Variants in CEP112 observed in about 807,000 individuals in gnomAD.
CEP112 encodes the protein centrosomal protein of 112 kDa.
In CEP112, 127 loss-of-function variants were observed where a neutral mutation model predicts 153.0. The ratio of observed to expected loss-of-function variants is 0.83; its 90% CI spans 0.72 to 0.96. The LOEUF is 0.96. Ranked by LOEUF, CEP112 falls within the 40% of genes least tolerant of loss-of-function variation. The pLI, the probability that CEP112 is intolerant of heterozygous loss-of-function variation, is 0.00. For missense variants in CEP112, 1,089 were observed against 1,101.2 expected (o/e 0.99, Z 0.16); for synonymous variants, 358 against 374.4 (o/e 0.96, Z 0.51).
chr17:65,915,787 C>CG (rs1555710889), intron 19 of CEP112, among the ~76,000 whole-genome samples: 11 of 56,588 alleles, frequency 1.9e-4, no homozygotes, highest in Non-Finnish European at 2.4e-4. Flanking sequence ...GACTCAAACT[C>CG]AAAAAAAAAA....
At chr17:65,819,052 A>G (rs930930818) in intron 21 of CEP112, among the ~76,000 whole-genome samples, 2 of 152,072 alleles carry the variant, frequency 1.3e-5, no homozygotes, top group Non-Finnish European at 2.9e-5. Context: ...ATTTCAATCC[A>G]CTAATTTTTG....
At chr17:66,153,554 T>C (rs189735923) in intron 4 of CEP112, among the ~76,000 whole-genome samples, 1 of 151,936 alleles carries the variant, frequency 6.6e-6, no homozygotes, top group East Asian at 1.9e-4. Context: ...TCTTAATTTA[T>C]CTATAGATTC....
At chr17:65,868,835 G>T (rs963223311) in intron 20 of CEP112, among the ~76,000 whole-genome samples, 1 of 152,100 alleles carries the variant, frequency 6.6e-6, no homozygotes, top group Non-Finnish European at 1.5e-5. Context: ...ACATTTTTTG[G>T]AAATGATTGA....
At chr17:66,183,717 A>C (rs1190586478) in intron 1 of CEP112, among the ~76,000 whole-genome samples, 1 of 152,176 alleles carries the variant, frequency 6.6e-6, no homozygotes, top group Non-Finnish European at 1.5e-5. Context: ...GTGATCCATG[A>C]AGAAATGACA....
intron 23 of CEP112, among the ~76,000 whole-genome samples, chr17:65,718,276 T>C (rs2049659989): frequency 6.6e-6 from 1 of 151,840 alleles, no homozygotes; most frequent in South Asian, 2.1e-4. Flanking sequence ...GGTGTGGTGG[T>C]GGGCGCCTGT....
chr17:65,656,382 T>C (rs1483671082), intron 24 of CEP112, among the ~76,000 whole-genome samples: 2 of 152,200 alleles, frequency 1.3e-5, no homozygotes, highest in African/African-American at 4.8e-5. Flanking sequence ...GATTTTTCAG[T>C]TTGGGTTAGA....
chr17:66,025,797 T>C (rs1222397767), intron 16 of CEP112, among the ~76,000 whole-genome samples: 1 of 152,064 alleles, frequency 6.6e-6, no homozygotes, highest in Non-Finnish European at 1.5e-5. Context: ...ATTCCACTTC[T>C]GGGTATCTAC....
intron 4 of CEP112, among the ~76,000 whole-genome samples, chr17:66,153,486 A>G (rs2071295829): frequency 7.0e-6 from 1 of 142,256 alleles, no homozygotes. Flanking sequence ...AAAAAAAAAA[A>G]GATAATTGCT....
intron 6 of CEP112, among the ~76,000 whole-genome samples, chr17:66,102,318 G>A (rs1031841197): frequency 3.9e-5 from 6 of 152,046 alleles, no homozygotes; most frequent in Non-Finnish European, 8.8e-5. Flanking sequence ...TAATAAATAG[G>A]CCATAAATGG....
chr17:65,652,293 T>C (rs2045822817), intron 24 of CEP112, among the ~76,000 whole-genome samples: 1 of 152,152 alleles, frequency 6.6e-6, no homozygotes, highest in Admixed American at 6.5e-5. Flanking sequence ...GTTGTGCCCC[T>C]AATCTGTGTG....
chr17:66,006,368 G>C (rs2064273906), intron 16 of CEP112, among the ~76,000 whole-genome samples: 1 of 152,138 alleles, frequency 6.6e-6, no homozygotes, highest in South Asian at 2.1e-4. Flanking sequence ...AGCACTTTGG[G>C]AGGCCGAGGC....
chr17:65,919,841 C>T lies in CEP112; in HGVS notation c.1980+7741G>A, dbSNP rs2060636342. Among the ~76,000 whole-genome samples the T allele has an allele frequency of 2.6e-5, 4 of 152,062 alleles. No individual in the cohort carries two copies. The South Asian group carries it at 8.3e-4, about 32-fold the overall frequency. ...TACCTTGAAACAATTCAAAATATTCCTCATGGTACCATGTATGTATGGGTT... is the reference window on the plus strand; with the variant it reads ...TACCTTGAAACAATTCAAAATATTCTTCATGGTACCATGTATGTATGGGTT... On this transcript the variant is annotated intron_variant, in intron 19 of 26. Transcript: ENST00000535342.
At chr17:65,642,949 C>T (rs2045224656) in intron 24 of CEP112, among the ~76,000 whole-genome samples, 1 of 152,146 alleles carries the variant, frequency 6.6e-6, no homozygotes, top group Non-Finnish European at 1.5e-5. Context: ...AATATGTTGT[C>T]CTACCCATCC....
chr17:65,919,539 G>A (rs1460040720), intron 19 of CEP112, among the ~76,000 whole-genome samples: 1 of 152,178 alleles, frequency 6.6e-6, no homozygotes, highest in Admixed American at 6.5e-5. Flanking sequence ...TCCTGATACA[G>A]GGAAATCCAG....
chr17:65,732,352 A>C (rs1280832583), intron 23 of CEP112, among the ~76,000 whole-genome samples: 1 of 152,202 alleles, frequency 6.6e-6, no homozygotes, highest in Non-Finnish European at 1.5e-5. Context: ...ACCATGCTGT[A>C]AACCAAGCTG....
chr17:65,961,733 T>C (rs1002198978), intron 17 of CEP112, 135 bp from the exon 18 acceptor site: 1 of 771,422 alleles, frequency 1.3e-6, no homozygotes, highest in Non-Finnish European at 2.0e-6. Flanking sequence ...AACTTCCCTT[T>C]AGAAATTTGA....
chr17:65,861,587 A>T (rs904957718), intron 20 of CEP112, among the ~76,000 whole-genome samples: 1 of 152,326 alleles, frequency 6.6e-6, no homozygotes, highest in East Asian at 1.9e-4. Flanking sequence ...ATAAGTAAAA[A>T]CAATACATGA....
intron 4 of CEP112, among the ~76,000 whole-genome samples, chr17:66,167,688 T>C (rs914865189): frequency 2.0e-5 from 3 of 152,228 alleles, no homozygotes; most frequent in African/African-American, 7.2e-5. Flanking sequence ...CTTATGCCTA[T>C]ATGATACACT....
chr17:65,659,759 T>C (rs775454294), intron 24 of CEP112, among the ~76,000 whole-genome samples: 4 of 152,286 alleles, frequency 2.6e-5, no homozygotes, highest in Middle Eastern at 3.4e-3. Context: ...GCTTATACTT[T>C]TTACACGAGA....
Sources: gnomAD v4.1 joint callset for allele counts (sites outside exome capture counted in the v4.1 genomes callset) on GRCh38, gnomAD v4.1.1 for gene constraint, MANE v1.5 for transcripts, NCBI Gene and HGNC (gene_info 2026-07-23, HGNC 2026-07-21) for gene names.